Variants in TMEM237 observed in about 807,000 individuals in gnomAD.
The protein encoded by TMEM237 is transmembrane protein 237.
A neutral mutation model predicts 59.1 loss-of-function variants in TMEM237; 51 were observed. That is an observed-to-expected ratio of 0.86 (90% CI 0.69 to 1.09). TMEM237 has a LOEUF of 1.09. Among genes scored for constraint, TMEM237 ranks in the 50% least tolerant of loss-of-function variants. TMEM237 has a pLI of 0.00. For synonymous variants in TMEM237, 140 were observed against 166.1 expected (o/e 0.84, Z 1.21); for missense variants, 475 against 478.3 (o/e 0.99, Z 0.06).
rs6754550 is a variant in TMEM237 at position 201,635,488 on chromosome 2, G to A, written c.274+1260C>T. ...AAGAAGCTAGAAGAAATGGCCAGGC[G>A]CGGTGGCTCACACCTGTAATCCCAG... On this transcript the variant is annotated intron_variant, in intron 5 of 12. Coordinates refer to ENST00000409883, the MANE Select transcript of TMEM237 (RefSeq NM_001044385.3). This position sits in a 1 kb window ranked among gnomAD's most constrained non-coding sequence, Gnocchi z 4.5. Among the ~76,000 whole-genome samples, 202 of 152,308 alleles carry A rather than the reference G, an allele frequency of 1.3e-3. No homozygotes were observed. The highest frequency in any genetic ancestry group is 4.4e-3 in the African/African-American group (185 of 41,576).
intron 1 of TMEM237, 68 bp from the exon 2 acceptor site, chr2:201,640,992 C>G: frequency 7.0e-7 from 1 of 1,432,896 alleles, no homozygotes. Context: ...AATACCATCA[C>G]GCTATTTTTT....
At chr2:201,631,900 C>G in intron 7 of TMEM237, 151 bp downstream of exon 7, 1 of 729,934 alleles carries the variant, frequency 1.4e-6, no homozygotes, top group East Asian at 2.6e-5. Context: ...CAGTTTTTCA[C>G]TCTCATGAAT....
chr2:201,627,512 T>C (rs1473112632), intron 10 of TMEM237, 98 bp from the exon 11 acceptor site: 1 of 758,712 alleles, frequency 1.3e-6, no homozygotes, highest in African/African-American at 1.8e-5. Flanking sequence ...CTTTCATGAC[T>C]GATGATATAA....
intron 4 of TMEM237, among the ~76,000 whole-genome samples, chr2:201,638,031 A>AATC (rs1050276079): frequency 6.6e-6 from 1 of 152,230 alleles, no homozygotes; most frequent in Non-Finnish European, 1.5e-5. Flanking sequence ...CACTGCTAGC[A>AATC]ATCCATCCTA....
chr2:201,632,412 T>C (rs1018959025), intron 6 of TMEM237, among the ~76,000 whole-genome samples: 2 of 152,180 alleles, frequency 1.3e-5, no homozygotes, highest in East Asian at 1.9e-4. Context: ...CATTTGAAAA[T>C]TGAAGTGACT....
At chr2:201,636,927 A>G in intron 4 of TMEM237, 42 bp from the exon 5 acceptor site, 4 of 1,557,294 alleles carry the variant, frequency 2.6e-6, no homozygotes, top group Non-Finnish European at 3.5e-6. Context: ...TTACTTGAGC[A>G]AAGATCACTG....
chr2:201,631,744 T>C (rs1040818822), intron 7 of TMEM237, among the ~76,000 whole-genome samples: 1 of 152,218 alleles, frequency 6.6e-6, no homozygotes, highest in Admixed American at 6.5e-5. Flanking sequence ...TGTGCACATG[T>C]GTATATGCTC....
chr2:201,642,640 G>A (rs1687448894), intron 1 of TMEM237: 2 of 1,608,058 alleles, frequency 1.2e-6, no homozygotes, highest in Admixed American at 3.4e-5. Context: ...GCGTTTAGCC[G>A]GCCTCGGCGG....
intron 5 of TMEM237, chr2:201,634,333 T>C (rs1191050037): frequency 6.6e-6 from 1 of 152,236 alleles, no homozygotes; most frequent in Non-Finnish European, 1.5e-5. Flanking sequence ...AATTCTATTG[T>C]AATAAAATAC....
intron 1 of TMEM237, among the ~76,000 whole-genome samples, chr2:201,641,721 T>C (rs201802742): frequency 5.3e-5 from 6 of 112,234 alleles, no homozygotes; most frequent in Non-Finnish European, 7.7e-5. Context: ...TATATATATA[T>C]ACACAAGATA....
chr2:201,641,501 G>A (rs1003760247), intron 1 of TMEM237, among the ~76,000 whole-genome samples: 3 of 151,726 alleles, frequency 2.0e-5, no homozygotes, highest in Non-Finnish European at 4.4e-5. Context: ...TCTAGGCCAG[G>A]CCCTTTTCTA....
chr2:201,632,308 T>C, intron 6 of TMEM237, 100 bp from the exon 7 acceptor site: 6 of 1,308,334 alleles, frequency 4.6e-6, no homozygotes, highest in Non-Finnish European at 4.2e-6. Flanking sequence ...GGCCCTGGAC[T>C]TGGAGTTAAG....
At chr2:201,642,990 C>G (rs553255250) in intron 1 of TMEM237, 2 of 1,297,800 alleles carry the variant, frequency 1.5e-6, no homozygotes, top group East Asian at 3.4e-5. Flanking sequence ...CGCAGGCGAA[C>G]AGATCTCTTC....
Position 201,623,431 on chromosome 2 carries a change from G to T in TMEM237, c.*824C>A. The T allele has an allele frequency of 6.1e-6, 1 of 164,492 alleles. No homozygotes were observed. The highest frequency in any genetic ancestry group is 1.3e-5 in the Non-Finnish European group (1 of 74,188). 10.2% of individuals were successfully genotyped at this position (164,492 alleles called of 1,614,324 possible). A position where few individuals can be genotyped will look rare whatever the true frequency, so the allele number is the denominator to read the frequency against. ...TGACAAAGAGCTGGAGAACAGAGAT[G>T]GTGAATTTCTACTCCTATTTCTTGT... On this transcript the variant is annotated 3_prime_UTR_variant, in exon 13 of 13. Transcript: ENST00000409883.
At chr2:201,627,589 A>T (rs1385676069) in intron 10 of TMEM237, among the ~76,000 whole-genome samples, 175 bp from the exon 11 acceptor site, 1 of 152,208 alleles carries the variant, frequency 6.6e-6, no homozygotes, top group Non-Finnish European at 1.5e-5. Context: ...ATTTTTGAGA[A>T]CAATAGGTGC....
In TMEM237 at chr2:201,624,178, T is replaced by C. The variant is rs958187927; in HGVS notation, c.*77A>G. ...AAAATCTATTACAAATACACATGTA[T>C]ACATCTTATAAAAATACATTTAAAA... On this transcript the variant is annotated 3_prime_UTR_variant, in exon 13 of 13. Coordinates refer to ENST00000409883, the MANE Select transcript of TMEM237 (RefSeq NM_001044385.3). 5.1e-5 allele frequency: 54 copies of C among 1,057,948 alleles called. No individual in the cohort carries two copies. In the East Asian group the frequency reaches 1.3e-3, roughly 26 times the overall value. 65.5% of individuals were successfully genotyped at this position (1,057,948 alleles called of 1,614,324 possible).
rs1462437761 is a variant in TMEM237 at position 201,620,465 on chromosome 2, AG to A, written c.*3789del. 1 of 152,234 alleles carries A rather than the reference AG, an allele frequency of 6.6e-6. No individual in the cohort carries two copies. The highest frequency in any genetic ancestry group is 2.4e-5 in the African/African-American group (1 of 41,446). 9.4% of individuals were successfully genotyped at this position (152,234 alleles called of 1,614,324 possible). ...ATAACAGAGAGGGAGACTCTCTGAA[AG>A]AAAATGATGTTTATTCAGGAGTAGG... On this transcript the variant is annotated 3_prime_UTR_variant, in exon 13 of 13. Coordinates refer to ENST00000409883, the MANE Select transcript of TMEM237 (RefSeq NM_001044385.3).
Position 201,643,381 on chromosome 2 carries a change from GC to G in TMEM237, c.19del (p.Ala7LeufsTer139). Reference sequence around the variant, plus strand: ...CACCAGGTGGCCCTCCTCCAGCCGAGCCCCCGAGTCAGTCCTCATGGTGCTC... The same window carrying G: ...CACCAGGTGGCCCTCCTCCAGCCGAGCCCCGAGTCAGTCCTCATGGTGCTC... MRTDSG[A>X]RLEEGHLRPP... On this transcript the variant is annotated frameshift_variant, in exon 1 of 13. Coordinates refer to ENST00000409883, the MANE Select transcript of TMEM237 (RefSeq NM_001044385.3). LOFTEE classifies it high-confidence loss of function. The surrounding 1 kb of genome is among the most constrained non-coding windows in gnomAD (Gnocchi z 4.3). The G allele has an allele frequency of 1.3e-6, 2 of 1,545,846 alleles. No individual in the cohort carries two copies. Among genetic ancestry groups the G allele is most frequent in the Non-Finnish European group, 1.7e-6 (2 of 1,145,008 alleles).
intron 2 of TMEM237, 145 bp downstream of exon 2, chr2:201,640,747 AC>A: frequency 1.6e-6 from 1 of 629,316 alleles, no homozygotes; most frequent in Non-Finnish European, 2.6e-6. Context: ...AGGATTTTTC[AC>A]CTTTAAAATT....
Sources: gnomAD v4.1 joint callset for allele counts (sites outside exome capture counted in the v4.1 genomes callset) on GRCh38, gnomAD v4.1.1 for gene constraint, Gnocchi (gnomAD v3.1) non-coding constraint, MANE v1.5 for transcripts, NCBI Gene and HGNC (gene_info 2026-07-23, HGNC 2026-07-21) for gene names.